Variants in SPAG16 observed in about 807,000 individuals in gnomAD.
SPAG16 encodes sperm-associated antigen 16 protein.
In SPAG16, 86 loss-of-function variants were observed where a neutral mutation model predicts 80.4. The ratio of observed to expected loss-of-function variants is 1.07; its 90% CI spans 0.90 to 1.28. SPAG16 has a LOEUF of 1.28. Among genes scored for constraint, SPAG16 ranks in the 50% most tolerant of loss-of-function variants. SPAG16 has a pLI of 0.00. For synonymous variants in SPAG16, 294 were observed against 265.9 expected (o/e 1.11, Z -1.03); for missense variants, 870 against 765.3 (o/e 1.14, Z -1.61).
chr2:213,397,445 G>C (rs1053381498), intron 9 of SPAG16, among the ~76,000 whole-genome samples: 1 of 152,068 alleles, frequency 6.6e-6, no homozygotes, highest in African/African-American at 2.4e-5. Flanking sequence ...CATGTCATCA[G>C]ATTTGCCCAC....
Position 213,333,764 on chromosome 2 carries a change from T to C in SPAG16, c.537-6399T>C, listed in dbSNP as rs143910780. On this transcript the variant is annotated intron_variant, in intron 5 of 15. Coordinates refer to ENST00000331683, the MANE Select transcript of SPAG16 (RefSeq NM_024532.5). ...CATACACTGTGGAAAAGGCAGTCTC[T>C]TCAATAAATGGTGCTGGGAAAACTG... Among the ~76,000 whole-genome samples, 675 of 152,284 alleles carry C rather than the reference T, an allele frequency of 4.4e-3. 4 individuals carry two copies. The highest frequency in any genetic ancestry group is 0.015 in the African/African-American group (619 of 41,562).
intron 9 of SPAG16, among the ~76,000 whole-genome samples, chr2:213,468,621 A>C (rs2072884561): frequency 6.9e-6 from 1 of 145,350 alleles, no homozygotes; most frequent in Non-Finnish European, 1.5e-5. Flanking sequence ...TTATATATAG[A>C]GATATATATA....
At chr2:214,321,765 T>G (rs1336961728) in intron 15 of SPAG16, among the ~76,000 whole-genome samples, 1 of 152,228 alleles carries the variant, frequency 6.6e-6, no homozygotes, top group African/African-American at 2.4e-5. Context: ...ATAAACACTG[T>G]AAATGAACTC....
Position 214,173,794 on chromosome 2 carries a change from A to G in SPAG16, c.1720+24528A>G, listed in dbSNP as rs1352909943. Among the ~76,000 whole-genome samples the G allele has an allele frequency of 1.3e-4, 20 of 151,998 alleles. 1 individual carries two copies. Among genetic ancestry groups the G allele is most frequent in the Admixed American group, 1.3e-3 (20 of 15,210 alleles). The stretch of plus-strand genomic sequence containing the variant: ...CCAAAAAAGAGAATTTTAGACCAAT[A>G]TCCTTGATGAACATTGATGCAAAAA... On this transcript the variant is annotated intron_variant, in intron 15 of 15. Coordinates refer to ENST00000331683, the MANE Select transcript of SPAG16 (RefSeq NM_024532.5).
At chr2:213,486,476 C>A (rs2073979356) in intron 9 of SPAG16, among the ~76,000 whole-genome samples, 1 of 152,044 alleles carries the variant, frequency 6.6e-6, no homozygotes, top group African/African-American at 2.4e-5. Context: ...GGTATATATA[C>A]AATGGAATAT....
chr2:213,953,347 T>C (rs1559624526), intron 12 of SPAG16, among the ~76,000 whole-genome samples: 2 of 151,250 alleles, frequency 1.3e-5, no homozygotes. Context: ...CAAAGGAAAA[T>C]TTTAAAGAAT....
At chr2:214,346,154 G>A (rs1221393470) in intron 15 of SPAG16, among the ~76,000 whole-genome samples, 2 of 152,206 alleles carry the variant, frequency 1.3e-5, no homozygotes, top group African/African-American at 2.4e-5. Context: ...TAGTGTATGA[G>A]AATATACCCA....
chr2:213,932,198 A>ATATATT (rs2078791434), intron 12 of SPAG16, among the ~76,000 whole-genome samples: 2 of 99,788 alleles, frequency 2.0e-5, no homozygotes, highest in African/African-American at 9.0e-5. Context: ...ATATATATAT[A>ATATATT]TTTGTTGTTG....
At chr2:214,383,850 A>C (rs561629121) in intron 15 of SPAG16, among the ~76,000 whole-genome samples, 2 of 152,330 alleles carry the variant, frequency 1.3e-5, no homozygotes, top group Admixed American at 6.5e-5. Flanking sequence ...TATTGTATAC[A>C]TTATTGTTCA....
chr2:214,192,449 G>A (rs1196968620), intron 15 of SPAG16, among the ~76,000 whole-genome samples: 3 of 152,050 alleles, frequency 2.0e-5, no homozygotes, highest in African/African-American at 7.2e-5. Context: ...TTTCTTCTAT[G>A]AAAGATTGGT....
chr2:214,317,062 TTGCCGTGCCTGC>T (rs1326931090), intron 15 of SPAG16, among the ~76,000 whole-genome samples: 3 of 152,232 alleles, frequency 2.0e-5, no homozygotes, highest in African/African-American at 7.2e-5. Flanking sequence ...ACATCCCAGG[TTGCCGTGCCTGC>T]TGCTGATTCC....
At chr2:214,036,538 C>A (rs1240027464) in intron 13 of SPAG16, among the ~76,000 whole-genome samples, 1 of 152,158 alleles carries the variant, frequency 6.6e-6, no homozygotes, top group African/African-American at 2.4e-5. Context: ...ATTTAGCTAA[C>A]TAGCTATATT....
rs1204676937 is a variant in SPAG16, at chr2:214,123,822, C to T, written c.1593+15561C>T. On this transcript the variant is annotated intron_variant, in intron 14 of 15. Transcript: ENST00000331683. Reference sequence around the variant, plus strand: ...AGAGGCCAAGTTCCTGAAGTGGTGACAACATGGTCCCGTGGAGGAATAGCA... The same window carrying T: ...AGAGGCCAAGTTCCTGAAGTGGTGATAACATGGTCCCGTGGAGGAATAGCA... Among the ~76,000 whole-genome samples the T allele has an allele frequency of 2.0e-5, 3 of 151,908 alleles. No individual in the cohort carries two copies. The East Asian group carries it at 5.8e-4, about 29-fold the overall frequency.
intron 15 of SPAG16, among the ~76,000 whole-genome samples, chr2:214,167,431 C>T (rs917227178): frequency 1.3e-5 from 2 of 152,068 alleles, no homozygotes; most frequent in African/African-American, 4.8e-5. Context: ...CATGAGCCAA[C>T]AAATTTGTGT....
chr2:213,752,713 G>A (rs566288205), intron 10 of SPAG16, among the ~76,000 whole-genome samples: 41 of 152,282 alleles, frequency 2.7e-4, no homozygotes, highest in African/African-American at 9.9e-4. Context: ...AAGCTACACA[G>A]TACACTAAAA....
At chr2:213,947,462 G>A (rs145207018) in intron 12 of SPAG16, among the ~76,000 whole-genome samples, 1 of 152,112 alleles carries the variant, frequency 6.6e-6, no homozygotes, top group Admixed American at 6.5e-5. Context: ...ATCTTATTAT[G>A]TACATACTTG....
At chr2:214,015,398 A>G (rs1198071668) in intron 13 of SPAG16, among the ~76,000 whole-genome samples, 1 of 152,156 alleles carries the variant, frequency 6.6e-6, no homozygotes, top group African/African-American at 2.4e-5. Flanking sequence ...CAGGAGTTCC[A>G]GACCAGCCTG....
intron 6 of SPAG16, among the ~76,000 whole-genome samples, chr2:213,342,469 G>A (rs1309691328): frequency 1.3e-5 from 2 of 150,624 alleles, no homozygotes; most frequent in Admixed American, 1.3e-4. Context: ...CTTTTTCTGA[G>A]TGTCATATTA....
At chr2:213,364,754 A>G (rs1302928470) in intron 8 of SPAG16, 1 of 152,226 alleles carries the variant, frequency 6.6e-6, no homozygotes, top group African/African-American at 2.4e-5. Flanking sequence ...TACTATACAT[A>G]ACAACACTAC....
Sources: allele counts gnomAD v4.1 joint callset (sites outside exome capture counted in the v4.1 genomes callset), GRCh38; gene constraint gnomAD v4.1.1; transcripts MANE v1.5; gene names NCBI Gene and HGNC (gene_info 2026-07-23, HGNC 2026-07-21).